Variants in CEP104 observed in about 807,000 individuals in gnomAD.
CEP104 encodes the protein centrosomal protein of 104 kDa.
CEP104 carries 84 observed loss-of-function variants against 113.3 expected under a neutral mutation model. The observed-to-expected ratio is 0.74, with a 90% CI of 0.62 to 0.89. The LOEUF (loss-of-function observed/expected upper bound fraction) is 0.89, where lower values mean the gene tolerates loss of function less well. CEP104 is among the 40% of genes least tolerant of loss of function. The pLI is 0.00. For synonymous variants in CEP104, 378 were observed against 421.7 expected, an observed-to-expected ratio of 0.90 and a Z score of 1.27; for missense variants, 1,053 against 1,156.6, an observed-to-expected ratio of 0.91 and a Z score of 1.30.
In CEP104 at chr1:3,825,787, T is replaced by C. The variant is rs1391518734; in HGVS notation, c.2335A>G (p.Met779Val). Residue 779 changes from methionine to valine, a missense_variant, in exon 18 of 22, where the codon ATG (methionine) becomes GTG (valine). Met to Val is a conservative substitution (Grantham distance 21). Coordinates refer to ENST00000378230, the MANE Select transcript of CEP104 (RefSeq NM_014704.4). Reference sequence around the variant, plus strand: ...TTGCAGTGGTCACATCTTGTCAGCATGAGACAGTGCTTCCAGTAGTGGAGA... The same window carrying C: ...TTGCAGTGGTCACATCTTGTCAGCACGAGACAGTGCTTCCAGTAGTGGAGA... The part of the protein sequence containing the change: ...LDLHYWKHCL[M>V]LTRCDHCKQV... 1.9e-6 allele frequency: 3 copies of C among 1,612,210 alleles called. No homozygotes were observed. Among genetic ancestry groups the C allele is most frequent in the Middle Eastern group, 1.6e-4 (1 of 6,082 alleles).
chr1:3,855,341 A>C (rs1324358073), intron 1 of CEP104, among the ~76,000 whole-genome samples: 1 of 126,636 alleles, frequency 7.9e-6, no homozygotes. Flanking sequence ...GCCACCATGC[A>C]CAGCTACTTT....
intron 20 of CEP104, among the ~76,000 whole-genome samples, chr1:3,820,809 G>A (rs983893625): frequency 2.0e-5 from 3 of 152,132 alleles, no homozygotes; most frequent in Non-Finnish European, 4.4e-5. Flanking sequence ...GGCGGTGCAG[G>A]TGCCACTGTG....
chr1:3,845,047 T>C, intron 5 of CEP104, 64 bp from the exon 6 acceptor site: 3 of 1,328,468 alleles, frequency 2.3e-6, no homozygotes, highest in Non-Finnish European at 2.2e-6. Context: ...AAACCTTAAC[T>C]ACAAGATTTA....
intron 12 of CEP104, among the ~76,000 whole-genome samples, chr1:3,833,088 C>A (rs1644247982): frequency 6.6e-6 from 1 of 150,754 alleles, no homozygotes; most frequent in Non-Finnish European, 1.5e-5. Context: ...GGGTTCGATT[C>A]TCCTGCCTCA....
At chr1:3,821,335 T>C (rs930933292) in intron 20 of CEP104, among the ~76,000 whole-genome samples, 2 of 152,186 alleles carry the variant, frequency 1.3e-5, no homozygotes, top group African/African-American at 4.8e-5. Flanking sequence ...ATAATTTAAA[T>C]CCATGGTTCA....
At position 3,850,523 on chromosome 1, in the gene CEP104, T is replaced by G. The variant is rs6698771; in HGVS notation, c.114-1742A>C. Among the ~76,000 whole-genome samples the G allele has an allele frequency of 6.0e-3, 909 of 152,308 alleles. 10 individuals are homozygous for G. The highest frequency in any genetic ancestry group is 0.02 in the African/African-American group (846 of 41,558). ...ATGAACGGCACTGGGGGTCTCCCTA[T>G]ATCTCTTTAACCGCCCCGTCAGTGT... On this transcript the variant is annotated intron_variant, in intron 2 of 21. Transcript: ENST00000378230.
rs1247723006 is a variant in CEP104 at position 3,844,970 on chromosome 1, T to C, written c.503A>G (p.Lys168Arg). 2.5e-6 allele frequency: 4 copies of C among 1,614,162 alleles called. No individual in the cohort carries two copies. Among genetic ancestry groups the C allele is most frequent in the Non-Finnish European group, 3.4e-6 (4 of 1,180,006 alleles). ...GTGCCCAAGGTAGTGGTCAATCAAC[T>C]TCTCTCGAGAGGCCTTTGGGGGCAA... ...SDESNTASRE[K>R]LIDHYLGHNS... The change falls in exon 6 of 22, where the codon AAG (lysine) becomes AGG (arginine). Residue 168 changes from lysine (K) to arginine (R), a missense_variant. Lys to Arg is a conservative substitution (Grantham distance 26). Coordinates refer to ENST00000378230, the MANE Select transcript of CEP104 (RefSeq NM_014704.4).
rs567130410 is a variant in CEP104, at chr1:3,843,709, A to G, written c.566+1198T>C. On this transcript the variant is annotated intron_variant, in intron 6 of 21. Coordinates refer to ENST00000378230, the MANE Select transcript of CEP104 (RefSeq NM_014704.4). ...CCCATTTTTTTTTTTAGCCAAATTTAGCAGTGAGAAAAAATATTTTTAACG... is the reference window on the plus strand; with the variant it reads ...CCCATTTTTTTTTTTAGCCAAATTTGGCAGTGAGAAAAAATATTTTTAACG... Among the ~76,000 whole-genome samples, 690 of 151,794 alleles carry G rather than the reference A, an allele frequency of 4.5e-3. 8 individuals carry two copies. Among genetic ancestry groups the G allele is most frequent in the African/African-American group, 0.016 (642 of 41,372 alleles).
chr1:3,856,350 C>G (rs1412915654), intron 1 of CEP104, among the ~76,000 whole-genome samples: 1 of 152,184 alleles, frequency 6.6e-6, no homozygotes, highest in Non-Finnish European at 1.5e-5. Context: ...CCATTGCACT[C>G]CAGCCTGGGC....
intron 15 of CEP104, among the ~76,000 whole-genome samples, chr1:3,828,238 C>T (rs541766449): frequency 6.6e-6 from 1 of 152,286 alleles, no homozygotes; most frequent in Admixed American, 6.5e-5. Flanking sequence ...TCCGTGTCCT[C>T]GTTTGTGTAC....
At chr1:3,850,727 AC>A (rs540684514) in intron 2 of CEP104, among the ~76,000 whole-genome samples, 291 of 152,268 alleles carry the variant, frequency 1.9e-3, no homozygotes, top group Non-Finnish European at 3.2e-3. Context: ...CCCGAGCCAA[AC>A]CCAGTGGGAG....
rs537083190 is a variant in CEP104, at chr1:3,814,515, T to G, written c.*887A>C. On this transcript the variant is annotated 3_prime_UTR_variant, in exon 22 of 22. Coordinates refer to ENST00000378230, the MANE Select transcript of CEP104 (RefSeq NM_014704.4). ...GGATGTGGAAGGGGCGGGAGGCCCA[T>G]ACCAGTGGGCTTCTGCCTGCTGTGA... 2 of 152,230 alleles carry G rather than the reference T, an allele frequency of 1.3e-5. No individual in the cohort carries two copies. Among genetic ancestry groups the G allele is most frequent in the Admixed American group, 6.5e-5 (1 of 15,280 alleles). The allele number at this position is 152,230 out of a possible 1,614,324, so 9.4% of individuals were successfully genotyped here. A position where few individuals can be genotyped will look rare whatever the true frequency, so the allele number is the denominator to read the frequency against.
chr1:3,820,557 G>T (rs1448473752), intron 20 of CEP104, among the ~76,000 whole-genome samples: 1 of 152,252 alleles, frequency 6.6e-6, no homozygotes, highest in African/African-American at 2.4e-5. Flanking sequence ...TCTGTCCAGG[G>T]TTCTTCCAAG....
intron 18 of CEP104, among the ~76,000 whole-genome samples, chr1:3,824,831 G>GA (rs1286601397): frequency 6.7e-6 from 1 of 150,130 alleles, no homozygotes; most frequent in Non-Finnish European, 1.5e-5. Context: ...GGTGGGAAGG[G>GA]GGCAGTGGCA....
At chr1:3,842,126 C>T (rs754703202) in intron 6 of CEP104, among the ~76,000 whole-genome samples, 24 of 152,196 alleles carry the variant, frequency 1.6e-4, no homozygotes, top group South Asian at 4.1e-4. Flanking sequence ...TCGCTCTTGT[C>T]GCCCAGGCTG....
intron 9 of CEP104, chr1:3,836,912 G>A (rs1409034174): frequency 5.5e-6 from 3 of 546,206 alleles, no homozygotes; most frequent in Non-Finnish European, 9.6e-6. Context: ...ACTCATTACA[G>A]ACCTAATAAA....
In CEP104 at chr1:3,823,310, C is replaced by A. The variant is rs891924869; in HGVS notation, c.2504-69G>T. 34 of 1,609,130 alleles carry A rather than the reference C, an allele frequency of 2.1e-5. No homozygotes were observed. The highest frequency in any genetic ancestry group is 2.9e-5 in the Non-Finnish European group (34 of 1,175,540). ...GCGACAAGACATGCTGCTGGCCTGC[C>A]CGCAGGTGCCCTTTAATTCACCAAG... On this transcript the variant is annotated intron_variant, in intron 19 of 21. Transcript: ENST00000378230. This position sits in a 1 kb window ranked among gnomAD's most constrained non-coding sequence, Gnocchi z 4.1.
In CEP104 at chr1:3,814,606, A is replaced by T. The variant is rs1270084025; in HGVS notation, c.*796T>A. The T allele has an allele frequency of 6.6e-6, 1 of 152,168 alleles. No individual in the cohort carries two copies. Among genetic ancestry groups the T allele is most frequent in the Non-Finnish European group, 1.5e-5 (1 of 68,040 alleles). 9.4% of individuals were successfully genotyped at this position (152,168 alleles called of 1,614,324 possible). ...CCTCCACATGTCTTTAGGAATTCGA[A>T]AGTGTGGAGAAAGTGAAGCGCCTCT... On this transcript the variant is annotated 3_prime_UTR_variant, in exon 22 of 22. Transcript: ENST00000378230.
intron 6 of CEP104, chr1:3,843,336 A>AG: frequency 1.8e-6 from 1 of 554,094 alleles, no homozygotes; most frequent in East Asian, 3.2e-5. Flanking sequence ...AAAAAAAAAA[A>AG]AAAAGAGGAA....
Sources: gnomAD v4.1 joint callset for allele counts (sites outside exome capture counted in the v4.1 genomes callset) on GRCh38, gnomAD v4.1.1 for gene constraint, Gnocchi (gnomAD v3.1) non-coding constraint, MANE v1.5 for transcripts, NCBI Gene and HGNC (gene_info 2026-07-23, HGNC 2026-07-21) for gene names.